PCOLCE: variants seen among roughly 807,000 people sequenced by gnomAD.
The protein encoded by PCOLCE is procollagen C-endopeptidase enhancer, also known as procollagen C-endopeptidase enhancer 1.
In PCOLCE, 33 loss-of-function variants were observed where a neutral mutation model predicts 47.2. The ratio of observed to expected loss-of-function variants is 0.70; its 90% confidence interval spans 0.53 to 0.93. PCOLCE has a LOEUF of 0.93. PCOLCE is among the 40% of genes least tolerant of loss of function. The pLI, the probability that PCOLCE is intolerant of heterozygous loss-of-function variation, is 0.00. For missense variants in PCOLCE, 584 were observed against 585.3 expected (o/e 1.00, Z 0.02); for synonymous variants, 254 against 252.5 (o/e 1.01, Z -0.06).
chr7:100,604,942 G>GC lies in PCOLCE; in HGVS notation c.464-144dup. 1.7e-6 allele frequency: 1 copy of GC among 586,914 alleles called. No homozygotes were observed. The highest frequency in any genetic ancestry group is 3.1e-6 in the Non-Finnish European group (1 of 327,344). The allele number at this position is 586,914 out of a possible 1,614,324, so 36.4% of individuals were successfully genotyped here. A position where few individuals can be genotyped will look rare whatever the true frequency, so the allele number is the denominator to read the frequency against. On this transcript the variant is annotated intron_variant, in intron 3 of 8. Coordinates refer to ENST00000223061, the MANE Select transcript of PCOLCE (RefSeq NM_002593.4). This position sits in a 1 kb window ranked among gnomAD's most constrained non-coding sequence, Gnocchi z 6.4. Reference sequence around the variant, plus strand: ...CCTCCCGGCCGCTCTCTGTTAACCTGCCCCCATCTTACCTCCCCTTCTTCT... The same window carrying GC: ...CCTCCCGGCCGCTCTCTGTTAACCTGCCCCCCATCTTACCTCCCCTTCTTCT...
chr7:100,603,861 C>T, intron 2 of PCOLCE, 98 bp from the exon 3 acceptor site: 1 of 1,398,306 alleles, frequency 7.2e-7, no homozygotes, highest in South Asian at 1.3e-5. Flanking sequence ...CCCATTCAGT[C>T]CGTTTCTGCA....
Position 100,607,432 on chromosome 7 carries a change from T to A in PCOLCE, c.941-20T>A. 3.1e-6 allele frequency: 5 copies of A among 1,605,860 alleles called. No individual in the cohort carries two copies. Among genetic ancestry groups the A allele is most frequent in the Non-Finnish European group, 4.3e-6 (5 of 1,173,094 alleles). On this transcript the variant is annotated intron_variant, in intron 6 of 8. Coordinates refer to ENST00000223061, the MANE Select transcript of PCOLCE (RefSeq NM_002593.4). ...CTCCTACCTGCTGAGCAGGTCACCCTCCACCCTCCTCCCTCCTAGATGCAC... is the reference window on the plus strand; with the variant it reads ...CTCCTACCTGCTGAGCAGGTCACCCACCACCCTCCTCCCTCCTAGATGCAC...
chr7:100,602,794 C>T, intron 1 of PCOLCE: 1 of 556,782 alleles, frequency 1.8e-6, no homozygotes, highest in Non-Finnish European at 3.2e-6. Context: ...TCCCCACCCA[C>T]CCAGATCCTT....
chr7:100,606,126 C>A (rs888199691), intron 5 of PCOLCE: 1 of 523,046 alleles, frequency 1.9e-6, no homozygotes, highest in Non-Finnish European at 3.4e-6. Context: ...CTTAGGAATT[C>A]GAGACCAGCC....
At position 100,605,559 on chromosome 7, in the gene PCOLCE, G is replaced by A; in HGVS notation, c.589-117G>A. 4.7e-6 allele frequency: 6 copies of A among 1,289,474 alleles called. No individual in the cohort carries two copies. The highest frequency in any genetic ancestry group is 6.4e-6 in the Non-Finnish European group (6 of 935,258). 79.9% of individuals were successfully genotyped at this position (1,289,474 alleles called of 1,614,324 possible). A position where few individuals can be genotyped will look rare whatever the true frequency, so the allele number is the denominator to read the frequency against. On this transcript the variant is annotated intron_variant, in intron 4 of 8. Transcript: ENST00000223061. This position sits in a 1 kb window ranked among gnomAD's most constrained non-coding sequence, Gnocchi z 6.1. ...CTGTGGTGTGAACGCCTTCAGGAGG[G>A]GGGCCCAGAGGACGCGGGAGGTGGG...
chr7:100,604,160 G>A lies in PCOLCE; in HGVS notation c.406G>A (p.Gly136Ser), dbSNP rs1262590826. 3 of 1,613,178 alleles carry A rather than the reference G, an allele frequency of 1.9e-6. No homozygotes were observed. Among genetic ancestry groups the A allele is most frequent in the African/African-American group, 1.3e-5 (1 of 74,896 alleles). The change falls in exon 3 of 9, where the codon GGC (glycine) becomes AGC (serine). Residue 136 changes from glycine (G) to serine (S), a missense_variant. By Grantham distance (56) the Gly-to-Ser change is moderately conservative. Transcript: ENST00000223061. This position sits in a 1 kb window ranked among gnomAD's most constrained non-coding sequence, Gnocchi z 6.4. ...QVTLRMTTDE[G>S]TGGRGFLLWY... ...GACCCTGAGGATGACGACGGATGAG[G>A]GCACAGGAGGACGAGGCTTCCTGCT... is the stretch of plus-strand genomic sequence containing the variant.
In PCOLCE at chr7:100,605,641, C is replaced by T; in HGVS notation, c.589-35C>T. 2 of 1,558,636 alleles carry T rather than the reference C, an allele frequency of 1.3e-6. No individual in the cohort carries two copies. The highest frequency in any genetic ancestry group is 1.7e-6 in the Non-Finnish European group (2 of 1,151,894). ...ATGAGGTGCAGGCGCCCAGGGGTGT[C>T]CCGCCGCGCAGTCCCCGCCTCCGCC... On this transcript the variant is annotated intron_variant, in intron 4 of 8. Coordinates refer to ENST00000223061, the MANE Select transcript of PCOLCE (RefSeq NM_002593.4). This position sits in a 1 kb window ranked among gnomAD's most constrained non-coding sequence, Gnocchi z 6.1.
At position 100,608,107 on chromosome 7, in the gene PCOLCE, G is replaced by T; in HGVS notation, c.*4G>T. 6.2e-7 allele frequency: 1 copy of T among 1,612,790 alleles called. No individual in the cohort carries two copies. Among genetic ancestry groups the T allele is most frequent in the Non-Finnish European group, 8.5e-7 (1 of 1,179,508 alleles). On this transcript the variant is annotated 3_prime_UTR_variant, in exon 9 of 9. Transcript: ENST00000223061. Reference sequence around the variant, plus strand: ...GGCTGCTGCGTCCCAGGACTGAGACGCAGGCCAGCCCCGGCCCCTAGCCCT... The same window carrying T: ...GGCTGCTGCGTCCCAGGACTGAGACTCAGGCCAGCCCCGGCCCCTAGCCCT...
At chr7:100,602,617 T>A in intron 1 of PCOLCE, 66 bp downstream of exon 1, 1 of 1,042,048 alleles carries the variant, frequency 9.6e-7, no homozygotes, top group Non-Finnish European at 1.5e-6. Context: ...TTTGGGGTTA[T>A]GCCTGGAGAT....
At chr7:100,603,898 C>T in intron 2 of PCOLCE, 61 bp from the exon 3 acceptor site, 1 of 1,570,876 alleles carries the variant, frequency 6.4e-7, no homozygotes, top group Non-Finnish European at 8.6e-7. Context: ...GGGGAGCTGC[C>T]CTCTGGCTGG....
chr7:100,608,036 T>C lies in PCOLCE; in HGVS notation c.1283T>C (p.Ile428Thr), dbSNP rs1405402887. The C allele has an allele frequency of 3.1e-6, 5 of 1,614,082 alleles. No individual in the cohort carries two copies. Among genetic ancestry groups the C allele is most frequent in the Non-Finnish European group, 4.2e-6 (5 of 1,179,996 alleles). Reference protein sequence around the residue: ...VVLHRPNQDQILTNLSKRKCP... With the variant: ...VVLHRPNQDQTLTNLSKRKCP... ...CTCCACCGGCCCAACCAGGACCAGATCCTCACCAACCTAAGCAAGAGGAAG... is the reference window on the plus strand; with the variant it reads ...CTCCACCGGCCCAACCAGGACCAGACCCTCACCAACCTAAGCAAGAGGAAG... The change falls in exon 9 of 9, where the codon ATC becomes ACC. Residue 428 changes from isoleucine (I) to threonine (T), a missense_variant. Coordinates refer to ENST00000223061, the MANE Select transcript of PCOLCE (RefSeq NM_002593.4).
chr7:100,603,476 G>T lies in PCOLCE; in HGVS notation c.142G>T (p.Val48Leu), dbSNP rs576732053. The change falls in exon 2 of 9, where the codon GTG becomes TTG. Residue 48 changes from valine to leucine, a missense_variant. By Grantham distance (32) the Val-to-Leu change is conservative. Coordinates refer to ENST00000223061, the MANE Select transcript of PCOLCE (RefSeq NM_002593.4). ...GGDVKGESGY[V>L]ASEGFPNLYP... is the part of the protein sequence containing the mutation. ...GGATGTGAAGGGGGAATCAGGTTAC[G>T]TGGCAAGTGAGGGGTTCCCCAACCT... 6.2e-7 allele frequency: 1 copy of T among 1,606,452 alleles called. No individual in the cohort carries two copies. The highest frequency in any genetic ancestry group is 8.5e-7 in the Non-Finnish European group (1 of 1,176,662).
At position 100,604,907 on chromosome 7, in the gene PCOLCE, G is replaced by T. The variant is rs908685657; in HGVS notation, c.464-184G>T. On this transcript the variant is annotated intron_variant, in intron 3 of 8. Coordinates refer to ENST00000223061, the MANE Select transcript of PCOLCE (RefSeq NM_002593.4). This position sits in a 1 kb window ranked among gnomAD's most constrained non-coding sequence, Gnocchi z 6.4. Reference sequence around the variant, plus strand: ...GCGCCCTGCGGCCCCAGACTTCCCCGAGCCGCGCTCCTCCCGGCCGCTCTC... The same window carrying T: ...GCGCCCTGCGGCCCCAGACTTCCCCTAGCCGCGCTCCTCCCGGCCGCTCTC... 1.3e-5 allele frequency: 7 copies of T among 529,784 alleles called. No homozygotes were observed. The highest frequency in any genetic ancestry group is 2.0e-5 in the Non-Finnish European group (6 of 296,494). The allele number at this position is 529,784 out of a possible 1,614,324, so 32.8% of individuals were successfully genotyped here.
chr7:100,603,878 G>T, intron 2 of PCOLCE, 81 bp from the exon 3 acceptor site: 4 of 1,509,262 alleles, frequency 2.7e-6, no homozygotes, highest in Non-Finnish European at 3.6e-6. Context: ...TGCAAGAAAC[G>T]CTTGGGGCAG....
rs150129229 is a variant in PCOLCE at position 100,607,479 on chromosome 7, G to A, written c.968G>A (p.Arg323His). The change falls in exon 7 of 9, where the codon CGC becomes CAC. Residue 323 changes from arginine to histidine, a missense_variant. Coordinates refer to ENST00000223061, the MANE Select transcript of PCOLCE (RefSeq NM_002593.4). ...PDAPTCPKQC[R>H]RTGTLQSNFC... is the part of the protein sequence containing the mutation. The stretch of plus-strand genomic sequence containing the variant: ...GCACCCACCTGCCCAAAGCAGTGCC[G>A]CCGGACAGGCACCTTGCAGAGCAAC... The A allele has an allele frequency of 1.6e-4, 257 of 1,613,786 alleles. No homozygotes were observed. The highest frequency in any genetic ancestry group is 2.0e-4 in the Non-Finnish European group (233 of 1,179,958).
chr7:100,607,090 CAA>C (rs559618495), intron 6 of PCOLCE, among the ~76,000 whole-genome samples: 8 of 105,230 alleles, frequency 7.6e-5, no homozygotes, highest in Non-Finnish European at 1.1e-4. Context: ...GATTCTGTCT[CAA>C]AAAAAAAAAA....
Position 100,604,002 on chromosome 7 carries a change from A to C in PCOLCE, c.248A>C (p.Asp83Ala), listed in dbSNP as rs754105557. Residue 83 changes from aspartate (D) to alanine (A), a missense_variant, in exon 3 of 9, where the codon GAC becomes GCC. Asp to Ala is a moderately radical substitution (Grantham distance 126). Coordinates refer to ENST00000223061, the MANE Select transcript of PCOLCE (RefSeq NM_002593.4). This position sits in a 1 kb window ranked among gnomAD's most constrained non-coding sequence, Gnocchi z 6.4. ...QTVSLSFRVF[D>A]LELHPACRYD... Reference sequence around the variant, plus strand: ...GTGTCCCTCTCATTCCGAGTCTTCGACCTGGAGCTGCACCCCGCCTGCCGC... The same window carrying C: ...GTGTCCCTCTCATTCCGAGTCTTCGCCCTGGAGCTGCACCCCGCCTGCCGC... 4.4e-6 allele frequency: 7 copies of C among 1,603,770 alleles called. No individual in the cohort carries two copies. In the South Asian group the frequency reaches 6.6e-5, roughly 15 times the overall value.
chr7:100,607,090 C>CAAAAAAAAAAAAAAAAAAAA (rs559618495), intron 6 of PCOLCE, among the ~76,000 whole-genome samples: 23 of 105,204 alleles, frequency 2.2e-4, no homozygotes, highest in African/African-American at 8.0e-4. Flanking sequence ...GATTCTGTCT[C>CAAAAAAAAAAAAAAAAAAAA]AAAAAAAAAA....
Position 100,604,109 on chromosome 7 carries a change from C to T in PCOLCE, c.355C>T (p.Pro119Ser), listed in dbSNP as rs781543336. 6.2e-7 allele frequency: 1 copy of T among 1,611,446 alleles called. No homozygotes were observed. The highest frequency in any genetic ancestry group is 1.1e-5 in the South Asian group (1 of 91,084). Residue 119 changes from proline (P) to serine (S), a missense_variant, in exon 3 of 9, where the codon CCC becomes TCC. Pro to Ser is a moderately conservative substitution (Grantham distance 74, BLOSUM62 -1). Coordinates refer to ENST00000223061, the MANE Select transcript of PCOLCE (RefSeq NM_002593.4). This position sits in a 1 kb window ranked among gnomAD's most constrained non-coding sequence, Gnocchi z 6.4. ...CTTTTGTGGGACCTTCCGGCCTGCG[C>T]CCCTAGTCGCCCCCGGCAACCAGGT... ...GRFCGTFRPA[P>S]LVAPGNQVTL...
Sources: allele counts gnomAD v4.1 joint callset (sites outside exome capture counted in the v4.1 genomes callset), GRCh38; gene constraint gnomAD v4.1.1; non-coding constraint Gnocchi (gnomAD v3.1); transcripts MANE v1.5; gene names NCBI Gene and HGNC (gene_info 2026-07-23, HGNC 2026-07-21).